RIMBP2: variants seen among roughly 807,000 people sequenced by gnomAD.
RIMBP2 encodes RIMS binding protein 2, also known as RIMS-binding protein 2.
A neutral mutation model predicts 118.6 loss-of-function variants in RIMBP2; 48 were observed. The ratio of observed to expected loss-of-function variants is 0.40; its 90% confidence interval spans 0.32 to 0.51. RIMBP2 has a LOEUF of 0.51. Among genes scored for constraint, RIMBP2 ranks in the 20% least tolerant of loss-of-function variants. The probability of loss-of-function intolerance (pLI) is 0.41; values close to 1 mark genes in which losing one functional copy is unlikely to be tolerated. For synonymous variants in RIMBP2, 762 were observed against 742.9 expected (o/e 1.03, Z -0.42); for missense variants, 1,551 against 1,768.3 (o/e 0.88, Z 2.20).
chr12:130,598,596 C>G (rs1475676499), intron 2 of RIMBP2, among the ~76,000 whole-genome samples: 1 of 151,994 alleles, frequency 6.6e-6, no homozygotes, highest in Admixed American at 6.6e-5. Flanking sequence ...GGCGTGGTGG[C>G]AGGTGCCTGT....
At chr12:130,478,358 C>T (rs889155172) in intron 5 of RIMBP2, among the ~76,000 whole-genome samples, 1 of 152,228 alleles carries the variant, frequency 6.6e-6, no homozygotes, top group African/African-American at 2.4e-5. Flanking sequence ...ATCAAACCAC[C>T]ATGATCCTTT....
chr12:130,453,920 G>A (rs61382800), intron 7 of RIMBP2, among the ~76,000 whole-genome samples: 6,058 of 152,134 alleles, frequency 0.04, 418 homozygotes, highest in African/African-American at 0.14. Context: ...CAGGCGCGGC[G>A]GTGCACACCT....
intron 14 of RIMBP2, chr12:130,430,532 A>G (rs2077082652): frequency 6.6e-6 from 1 of 152,096 alleles, no homozygotes; most frequent in South Asian, 2.1e-4. Context: ...TAATAAGGGT[A>G]CAGACTTTCG....
chr12:130,653,751 A>C (rs934086671), intron 1 of RIMBP2, among the ~76,000 whole-genome samples: 1 of 152,236 alleles, frequency 6.6e-6, no homozygotes, highest in African/African-American at 2.4e-5. Flanking sequence ...AGCCTCCTTC[A>C]TGCTTGCATT....
chr12:130,673,144 T>C (rs2064276941), intron 1 of RIMBP2, among the ~76,000 whole-genome samples: 1 of 152,190 alleles, frequency 6.6e-6, no homozygotes, highest in African/African-American at 2.4e-5. Context: ...TTGGGCTAAG[T>C]TGTTAGAACA....
At chr12:130,672,541 C>T (rs2064248642) in intron 1 of RIMBP2, among the ~76,000 whole-genome samples, 2 of 152,190 alleles carry the variant, frequency 1.3e-5, no homozygotes, top group South Asian at 2.1e-4. Context: ...GGAACAGCCT[C>T]ACAGCATCTC....
At chr12:130,615,038 T>C (rs1445825217) in intron 2 of RIMBP2, among the ~76,000 whole-genome samples, 1 of 148,912 alleles carries the variant, frequency 6.7e-6, no homozygotes, top group Non-Finnish European at 1.5e-5. Flanking sequence ...AGATACTGTG[T>C]ATGTGTATAA....
chr12:130,545,635 C>G (rs1225655443), intron 2 of RIMBP2, among the ~76,000 whole-genome samples: 1 of 152,154 alleles, frequency 6.6e-6, no homozygotes, highest in Non-Finnish European at 1.5e-5. Flanking sequence ...CCTCTAGACC[C>G]CAGCCGGGGT....
chr12:130,459,432 G>A (rs1309706928), intron 6 of RIMBP2, among the ~76,000 whole-genome samples: 1 of 151,992 alleles, frequency 6.6e-6, no homozygotes, highest in East Asian at 1.9e-4. Context: ...CAGGAAGAGG[G>A]GCCACGGGAA....
At chr12:130,562,220 C>T (rs180833666) in intron 2 of RIMBP2, among the ~76,000 whole-genome samples, 13 of 152,276 alleles carry the variant, frequency 8.5e-5, no homozygotes, top group Admixed American at 6.5e-5. Flanking sequence ...CAAAGCCACC[C>T]TCCATGAAAC....
chr12:130,674,804 C>CT (rs2064372086), intron 1 of RIMBP2, among the ~76,000 whole-genome samples: 1 of 152,060 alleles, frequency 6.6e-6, no homozygotes, highest in South Asian at 2.1e-4. Context: ...CATCAGCATG[C>CT]TTTCCGTCTG....
chr12:130,643,478 T>C (rs1297697674), intron 1 of RIMBP2, among the ~76,000 whole-genome samples: 1 of 152,044 alleles, frequency 6.6e-6, no homozygotes, highest in Non-Finnish European at 1.5e-5. Context: ...AGGCACCCCA[T>C]GGGACTGGGG....
intron 1 of RIMBP2, among the ~76,000 whole-genome samples, chr12:130,654,873 A>G (rs7968774): frequency 2.0e-5 from 3 of 152,006 alleles, no homozygotes; most frequent in African/African-American, 7.3e-5. Context: ...CAGCAACAGC[A>G]AGAAAGCCAG....
chr12:130,463,081 G>A (rs1346129236), intron 6 of RIMBP2, among the ~76,000 whole-genome samples: 1 of 152,244 alleles, frequency 6.6e-6, no homozygotes, highest in Non-Finnish European at 1.5e-5. Flanking sequence ...GGGGCTAAGA[G>A]CTTCCAATTG....
chr12:130,637,092 T>C (rs1324501523), intron 1 of RIMBP2, among the ~76,000 whole-genome samples: 2 of 152,174 alleles, frequency 1.3e-5, no homozygotes, highest in Non-Finnish European at 2.9e-5. Flanking sequence ...CATAGCAGTA[T>C]ATATAGAAAA....
chr12:130,662,031 G>A (rs1166178266), intron 1 of RIMBP2, among the ~76,000 whole-genome samples: 1 of 152,208 alleles, frequency 6.6e-6, no homozygotes, highest in African/African-American at 2.4e-5. Flanking sequence ...GAATGGGGCT[G>A]CACTAGGTGC....
intron 1 of RIMBP2, among the ~76,000 whole-genome samples, chr12:130,686,611 ATGG>A (rs2065056900): frequency 6.6e-6 from 1 of 152,240 alleles, no homozygotes; most frequent in South Asian, 2.1e-4. Flanking sequence ...TCAGGACTTG[ATGG>A]TGAAGCAAAC....
At chr12:130,526,125 T>A (rs10848125) in intron 2 of RIMBP2, among the ~76,000 whole-genome samples, 7 of 151,920 alleles carry the variant, frequency 4.6e-5, no homozygotes, top group Non-Finnish European at 1.0e-4. Flanking sequence ...GCCTGGGGTA[T>A]CTTCCCTTGC....
chr12:130,556,374 T>C (rs2056357771), intron 2 of RIMBP2, among the ~76,000 whole-genome samples: 2 of 152,214 alleles, frequency 1.3e-5, no homozygotes, highest in South Asian at 4.1e-4. Flanking sequence ...TTGCATAATT[T>C]TTATCTTACC....
Sources: allele counts gnomAD v4.1 joint callset (sites outside exome capture counted in the v4.1 genomes callset), GRCh38; gene constraint gnomAD v4.1.1; transcripts MANE v1.5; gene names NCBI Gene and HGNC (gene_info 2026-07-23, HGNC 2026-07-21).